Variants in SCHIP1 observed in about 807,000 individuals in gnomAD.
The protein encoded by SCHIP1 is schwannomin interacting protein 1, also known as schwannomin-interacting protein 1.
Under a neutral mutation model 29.7 loss-of-function variants are expected in SCHIP1, and 8 were observed. The ratio of observed to expected loss-of-function variants is 0.27; its 90% CI spans 0.16 to 0.49. The LOEUF (loss-of-function observed/expected upper bound fraction) is 0.49, where lower values mean the gene tolerates loss of function less well. SCHIP1 is among the 20% of genes least tolerant of loss of function. The pLI is 0.99. For synonymous variants in SCHIP1, 76 were observed against 94.9 expected (o/e 0.80, Z 1.16); for missense variants, 193 against 294.6 (o/e 0.66, Z 2.52).
chr3:159,639,782 A>G, the SCHIP1 span, among the ~76,000 whole-genome samples: 1 of 152,166 alleles, frequency 6.6e-6, no homozygotes, highest in East Asian at 1.9e-4. Context: ...GAGGTTTTGG[A>G]GGACTTTAAA....
the SCHIP1 span, among the ~76,000 whole-genome samples, chr3:159,475,916 A>C: frequency 1.3e-5 from 2 of 152,196 alleles, no homozygotes; most frequent in African/African-American, 4.8e-5. Context: ...AGAGGAAACT[A>C]TGGGTAAGTA....
chr3:159,613,876 A>C, the SCHIP1 span, among the ~76,000 whole-genome samples: 1 of 152,266 alleles, frequency 6.6e-6, no homozygotes, highest in Non-Finnish European at 1.5e-5. Context: ...GATTTCATTC[A>C]GAATCATTTG....
At chr3:159,384,815 A>T in the SCHIP1 span, among the ~76,000 whole-genome samples, 1 of 152,100 alleles carries the variant, frequency 6.6e-6, no homozygotes, top group Non-Finnish European at 1.5e-5. Context: ...CAGAGATTCA[A>T]CTTCTTCCTG....
the SCHIP1 span, among the ~76,000 whole-genome samples, chr3:159,667,323 T>C: frequency 0.02 from 3,074 of 152,292 alleles, 120 homozygotes; most frequent in African/African-American, 0.071. Flanking sequence ...GTTCCACCCC[T>C]CAGGAAAGCC....
chr3:159,829,688 G>A, the SCHIP1 span, among the ~76,000 whole-genome samples: 1 of 152,194 alleles, frequency 6.6e-6, no homozygotes, highest in Non-Finnish European at 1.5e-5. Flanking sequence ...CCATGAAGGT[G>A]GTAGCTCTGT....
the SCHIP1 span, among the ~76,000 whole-genome samples, chr3:159,362,463 G>T: frequency 1.2e-4 from 18 of 152,284 alleles, no homozygotes; most frequent in African/African-American, 3.1e-4. Flanking sequence ...TTGCCCAGTA[G>T]GGCCATGATT....
chr3:159,734,107 A>G, the SCHIP1 span, among the ~76,000 whole-genome samples: 1 of 147,138 alleles, frequency 6.8e-6, no homozygotes, highest in Admixed American at 6.8e-5. Context: ...CTCTAAAAGT[A>G]CCATATTGTT....
chr3:159,536,269 C>G, the SCHIP1 span, among the ~76,000 whole-genome samples: 1 of 152,150 alleles, frequency 6.6e-6, no homozygotes, highest in Non-Finnish European at 1.5e-5. Flanking sequence ...TTCCATTTTC[C>G]TCCGAGTTAA....
chr3:159,639,474 G>A, the SCHIP1 span, among the ~76,000 whole-genome samples: 3 of 151,790 alleles, frequency 2.0e-5, no homozygotes, highest in South Asian at 2.1e-4. Flanking sequence ...ACTTGATTAA[G>A]CCATTAATAA....
the SCHIP1 span, among the ~76,000 whole-genome samples, chr3:159,403,422 C>A: frequency 6.6e-6 from 1 of 152,184 alleles, no homozygotes; most frequent in Non-Finnish European, 1.5e-5. Context: ...ATTGTCAACA[C>A]CACCTCACAC....
At chr3:159,713,265 AAAG>A in the SCHIP1 span, among the ~76,000 whole-genome samples, 1 of 151,322 alleles carries the variant, frequency 6.6e-6, no homozygotes, top group South Asian at 2.1e-4. Flanking sequence ...AGAAAGAAAG[AAAG>A]AAAGAAAGAA....
the SCHIP1 span, among the ~76,000 whole-genome samples, chr3:159,691,808 C>A: frequency 3.3e-5 from 5 of 152,110 alleles, no homozygotes; most frequent in East Asian, 9.6e-4. Context: ...GTGACAAAAT[C>A]CCTCAGCATT....
chr3:159,388,920 C>T, the SCHIP1 span, among the ~76,000 whole-genome samples: 1 of 152,142 alleles, frequency 6.6e-6, no homozygotes, highest in East Asian at 1.9e-4. Flanking sequence ...GATGGCCTAA[C>T]AATCTAAATA....
the SCHIP1 span, among the ~76,000 whole-genome samples, chr3:159,602,444 C>T: frequency 7.4e-4 from 112 of 152,258 alleles, no homozygotes; most frequent in Non-Finnish European, 1.5e-3. Flanking sequence ...GGCATGGTGG[C>T]TCATACTTGT....
At chr3:159,810,044 T>G in the SCHIP1 span, among the ~76,000 whole-genome samples, 154 of 152,220 alleles carry the variant, frequency 1.0e-3, 1 homozygote, top group African/African-American at 3.5e-3. Flanking sequence ...ATTCACCTTT[T>G]TTGTTGTTGT....
chr3:159,475,656 A>C, the SCHIP1 span, among the ~76,000 whole-genome samples: 1 of 152,196 alleles, frequency 6.6e-6, no homozygotes, highest in Admixed American at 6.6e-5. Flanking sequence ...TGCTGAAAAC[A>C]TAGAGCTCCC....
the SCHIP1 span, among the ~76,000 whole-genome samples, chr3:159,390,047 C>A: frequency 1.3e-5 from 2 of 151,938 alleles, no homozygotes; most frequent in Non-Finnish European, 2.9e-5. Flanking sequence ...ATTTCACAAT[C>A]CTGATTGCAT....
At chr3:159,464,869 G>T in the SCHIP1 span, among the ~76,000 whole-genome samples, 246 of 152,194 alleles carry the variant, frequency 1.6e-3, 1 homozygote, top group East Asian at 0.037. Flanking sequence ...TTTAATACTA[G>T]AATAGACATA....
At chr3:159,283,836 A>G in the SCHIP1 span, among the ~76,000 whole-genome samples, 1 of 152,164 alleles carries the variant, frequency 6.6e-6, no homozygotes, top group African/African-American at 2.4e-5. Context: ...AGAAAATTCA[A>G]CCTAAGCAAA....
Sources: gnomAD v4.1 joint callset for allele counts (sites outside exome capture counted in the v4.1 genomes callset) on GRCh38, gnomAD v4.1.1 for gene constraint, MANE v1.5 for transcripts, NCBI Gene and HGNC (gene_info 2026-07-23, HGNC 2026-07-21) for gene names.